The following THSD7B variants were observed in gnomAD, a reference collection of about 807,000 sequenced individuals.
THSD7B encodes thrombospondin type-1 domain-containing protein 7B.
THSD7B carries 138 observed loss-of-function variants against 213.6 expected under a neutral mutation model. That is an observed-to-expected ratio of 0.65 (90% CI 0.56 to 0.74). THSD7B has a LOEUF of 0.74. THSD7B is among the 30% of genes least tolerant of loss of function. The probability of loss-of-function intolerance (pLI) is 0.00; values close to 1 mark genes in which losing one functional copy is unlikely to be tolerated. For synonymous variants in THSD7B, 742 were observed against 687.0 expected (o/e 1.08, Z -1.25); for missense variants, 1,931 against 1,991.5 (o/e 0.97, Z 0.58).
chr2:137,513,877 T>G (rs1680017230), intron 15 of THSD7B, among the ~76,000 whole-genome samples: 1 of 152,172 alleles, frequency 6.6e-6, no homozygotes, highest in African/African-American at 2.4e-5. Context: ...TGAGAGGAAA[T>G]GTCAATTGTG....
chr2:137,244,592 C>G (rs930650021), intron 10 of THSD7B, among the ~76,000 whole-genome samples: 6 of 152,140 alleles, frequency 3.9e-5, no homozygotes, highest in African/African-American at 1.4e-4. Context: ...TTAAATTTTA[C>G]TCCAATTTCC....
At chr2:137,068,713 T>C (rs1003177273) in intron 3 of THSD7B, among the ~76,000 whole-genome samples, 6 of 152,114 alleles carry the variant, frequency 3.9e-5, no homozygotes, top group Non-Finnish European at 8.8e-5. Flanking sequence ...AAGTACAGAT[T>C]CCTTTTACTC....
intron 12 of THSD7B, among the ~76,000 whole-genome samples, chr2:137,282,993 G>T (rs1024827127): frequency 1.3e-5 from 2 of 152,018 alleles, no homozygotes; most frequent in Non-Finnish European, 2.9e-5. Context: ...AATTACCTTG[G>T]GCAGTATGGC....
rs1333072234 is a variant in THSD7B, at chr2:136,919,884, G to A, written c.139+37567G>A. Among the ~76,000 whole-genome samples the A allele has an allele frequency of 3.9e-5, 6 of 152,218 alleles. No individual in the cohort carries two copies. In the South Asian group the frequency reaches 8.3e-4, roughly 21 times the overall value. ...AGCTCTAGGCACTGGCATAGGGACC[G>A]GCTCTGTGAGGCTGCAGGTGGACCG... On this transcript the variant is annotated intron_variant, in intron 2 of 27. Transcript: ENST00000409968.
intron 12 of THSD7B, among the ~76,000 whole-genome samples, chr2:137,396,125 C>T (rs1317827644): frequency 6.8e-6 from 1 of 147,518 alleles, no homozygotes; most frequent in African/African-American, 2.5e-5. Flanking sequence ...CTCCTGGATT[C>T]ATTAATTTTT....
At chr2:137,527,489 A>AT (rs1367106342) in intron 15 of THSD7B, among the ~76,000 whole-genome samples, 1 of 152,028 alleles carries the variant, frequency 6.6e-6, no homozygotes, top group Non-Finnish European at 1.5e-5. Context: ...ACCTTGCTCC[A>AT]TTTTTTTAGC....
At chr2:137,423,123 A>AT (rs568923067) in intron 14 of THSD7B, among the ~76,000 whole-genome samples, 3 of 152,158 alleles carry the variant, frequency 2.0e-5, no homozygotes, top group South Asian at 4.1e-4. Flanking sequence ...TTTATTACTC[A>AT]TTTTTTCTTC....
intron 12 of THSD7B, among the ~76,000 whole-genome samples, chr2:137,348,982 T>C (rs947391495): frequency 1.3e-5 from 2 of 151,694 alleles, no homozygotes; most frequent in Non-Finnish European, 3.0e-5. Context: ...AGTATTTTTC[T>C]GGCCATCTAA....
chr2:136,767,155 G>A (rs1681413970), intron 1 of THSD7B, among the ~76,000 whole-genome samples: 1 of 152,100 alleles, frequency 6.6e-6, no homozygotes, highest in African/African-American at 2.4e-5. Flanking sequence ...GCCTTTTTGT[G>A]CTCTTGACTG....
At chr2:136,966,535 AG>A (rs1263545960) in intron 2 of THSD7B, among the ~76,000 whole-genome samples, 1 of 152,142 alleles carries the variant, frequency 6.6e-6, no homozygotes, top group African/African-American at 2.4e-5. Context: ...GTCTTGAATC[AG>A]TCTTTTTTAT....
At chr2:137,070,435 A>C (rs1687458548) in intron 3 of THSD7B, among the ~76,000 whole-genome samples, 1 of 151,700 alleles carries the variant, frequency 6.6e-6, no homozygotes, top group African/African-American at 2.4e-5. Context: ...TTGTATTTTC[A>C]TATTTTTGGA....
At chr2:137,607,593 T>C (rs1682207424) in intron 17 of THSD7B, among the ~76,000 whole-genome samples, 1 of 152,210 alleles carries the variant, frequency 6.6e-6, no homozygotes, top group Non-Finnish European at 1.5e-5. Flanking sequence ...GGATCCAGAC[T>C]GTATTGCATT....
intron 15 of THSD7B, among the ~76,000 whole-genome samples, chr2:137,540,780 G>A (rs1272409704): frequency 6.6e-6 from 1 of 151,682 alleles, no homozygotes; most frequent in Non-Finnish European, 1.5e-5. Flanking sequence ...ATAACAGTTA[G>A]GGTAAAGAAT....
In THSD7B at chr2:136,840,344, A is replaced by G. The variant is rs867828570; in HGVS notation, c.-35-41800A>G. 5.3e-5 allele frequency among the ~76,000 whole-genome samples: 8 copies of G among 152,178 alleles called. 1 individual carries two copies. The Middle Eastern group carries it at 0.014, about 259-fold the overall frequency. On this transcript the variant is annotated intron_variant, in intron 1 of 27. Transcript: ENST00000409968. ...CAGTGAGCTGAGATTGCGCCATTGC[A>G]CTCCAGCCTGGGTGACAAGAGCAAA...
intron 14 of THSD7B, among the ~76,000 whole-genome samples, chr2:137,444,539 A>G (rs1687486278): frequency 6.6e-6 from 1 of 151,992 alleles, no homozygotes; most frequent in Admixed American, 6.6e-5. Flanking sequence ...TCATAGTACT[A>G]AAATATATAA....
rs1298666758 is a variant in THSD7B at position 137,244,524 on chromosome 2, C to T, written c.2266+1952C>T. The stretch of plus-strand genomic sequence containing the variant: ...CTGCTACTGGAGAGTCTTTTCCTAG[C>T]ATTGGGTAAAGGAAACGGAATCACA... On this transcript the variant is annotated intron_variant, in intron 10 of 27. Coordinates refer to ENST00000409968, the MANE Select transcript of THSD7B (RefSeq NM_001316349.2). Among the ~76,000 whole-genome samples the T allele has an allele frequency of 3.9e-5, 6 of 152,260 alleles. No homozygotes were observed. The South Asian group carries it at 1.0e-3, about 26-fold the overall frequency.
chr2:137,204,552 A>G (rs1035927160), intron 7 of THSD7B, among the ~76,000 whole-genome samples: 1 of 152,140 alleles, frequency 6.6e-6, no homozygotes, highest in African/African-American at 2.4e-5. Context: ...TCAGTAGTTG[A>G]TTAGGACACC....
chr2:137,232,863 C>A, intron 8 of THSD7B, 36 bp from the exon 9 acceptor site: 1 of 1,593,270 alleles, frequency 6.3e-7, no homozygotes. Context: ...AGAACAGCAA[C>A]CACTATGTAT....
At chr2:137,668,650 T>G (rs1027955999) in intron 27 of THSD7B, among the ~76,000 whole-genome samples, 3 of 152,110 alleles carry the variant, frequency 2.0e-5, no homozygotes, top group African/African-American at 7.2e-5. Flanking sequence ...AAGTATAATT[T>G]ATGACTCCCC....
Sources: gnomAD v4.1 joint callset for allele counts (sites outside exome capture counted in the v4.1 genomes callset) on GRCh38, gnomAD v4.1.1 for gene constraint, MANE v1.5 for transcripts, NCBI Gene and HGNC (gene_info 2026-07-23, HGNC 2026-07-21) for gene names.